ZNF385D: variants seen among roughly 807,000 people sequenced by gnomAD.
The protein encoded by ZNF385D is zinc finger protein 659.
ZNF385D carries 15 observed loss-of-function variants against 35.8 expected under a neutral mutation model. The observed-to-expected ratio is 0.42, with a 90% confidence interval of 0.28 to 0.64. ZNF385D has a LOEUF of 0.64. Ranked by LOEUF, ZNF385D falls within the 30% of genes least tolerant of loss-of-function variation. The pLI is 0.23. For missense variants in ZNF385D, 474 were observed against 494.6 expected (o/e 0.96, Z 0.39); for synonymous variants, 212 against 186.8 (o/e 1.13, Z -1.10).
intron 1 of ZNF385D, among the ~76,000 whole-genome samples, chr3:21,750,015 T>C (rs17620696): frequency 0.015 from 2,340 of 152,348 alleles, 24 homozygotes; most frequent in Non-Finnish European, 0.025. Flanking sequence ...ATCGCATAGA[T>C]GCCCTTAAAT....
At chr3:22,016,526 C>G (rs1308976285) in intron 3 of ZNF385D, among the ~76,000 whole-genome samples, 1 of 152,030 alleles carries the variant, frequency 6.6e-6, no homozygotes. Context: ...TCTTTTGTCA[C>G]TGAATACAAA....
chr3:21,540,422 G>A (rs1290833390), intron 3 of ZNF385D, among the ~76,000 whole-genome samples: 1 of 152,144 alleles, frequency 6.6e-6, no homozygotes, highest in Non-Finnish European at 1.5e-5. Flanking sequence ...GTAATATTAT[G>A]TGCACTGATG....
At chr3:21,751,307 T>G, upstream of ZNF385D, 2 of 1,061,432 alleles carry the variant, frequency 1.9e-6, no homozygotes, top group Non-Finnish European at 2.3e-6. Flanking sequence ...GGACCAACCA[T>G]GGCTCTCGGG....
chr3:21,826,884 T>C (rs1459698016), intron 3 of ZNF385D, among the ~76,000 whole-genome samples: 1 of 151,286 alleles, frequency 6.6e-6, no homozygotes, highest in Non-Finnish European at 1.5e-5. Flanking sequence ...GGTCCTCTCT[T>C]GGAGGTACCT....
rs549756516 is a variant in ZNF385D at position 22,351,279 on chromosome 3, A to C, written c.106+21171T>G. ...ATTCTAATGTCACTGAGATTCTATC[A>C]AAGCCCCTCCCTAGAAAGCATAGCA... On this transcript the variant is annotated intron_variant, in intron 2 of 5. Transcript: ENST00000494108. Among the ~76,000 whole-genome samples the C allele has an allele frequency of 5.3e-5, 8 of 152,228 alleles. No individual in the cohort carries two copies. In the South Asian group the frequency reaches 8.3e-4, roughly 16 times the overall value.
Position 21,616,336 on chromosome 3 carries a change from T to G in ZNF385D, c.165+48550A>C, listed in dbSNP as rs867037563. ...AGAAACAGGGCAAGGAATGGCTTAA[T>G]TTTTGTTTACTGCTGGGAATATACA... On this transcript the variant is annotated intron_variant, in intron 2 of 7. Coordinates refer to ENST00000281523, the MANE Select transcript of ZNF385D (RefSeq NM_024697.3). Among the ~76,000 whole-genome samples the G allele has an allele frequency of 2.6e-5, 4 of 152,296 alleles. No individual in the cohort carries two copies. In the South Asian group the frequency reaches 8.3e-4, roughly 32 times the overall value.
At chr3:22,268,624 G>T (rs1372895136) in intron 2 of ZNF385D, among the ~76,000 whole-genome samples, 1 of 152,028 alleles carries the variant, frequency 6.6e-6, no homozygotes, top group Admixed American at 6.6e-5. Context: ...ATTTGGCATG[G>T]GCCATAGTCC....
At chr3:21,689,349 A>C (rs528079018) in intron 1 of ZNF385D, among the ~76,000 whole-genome samples, 48 of 152,206 alleles carry the variant, frequency 3.2e-4, no homozygotes, top group Middle Eastern at 3.4e-3. Context: ...GGGGCAGCAT[A>C]AGCTCGATTC....
intron 4 of ZNF385D, chr3:21,441,719 G>A (rs1701869301): frequency 1.0e-6 from 1 of 985,364 alleles, no homozygotes; most frequent in Non-Finnish European, 1.2e-6. Context: ...AAACCACAGG[G>A]CTTCATTGCA....
chr3:22,237,707 G>A (rs942557677), intron 2 of ZNF385D, among the ~76,000 whole-genome samples: 1 of 152,054 alleles, frequency 6.6e-6, no homozygotes, highest in African/African-American at 2.4e-5. Context: ...GCAGTGGCAC[G>A]ATCTCAGCTC....
intron 2 of ZNF385D, among the ~76,000 whole-genome samples, chr3:21,590,932 A>T (rs540884503): frequency 1.7e-4 from 26 of 152,098 alleles, no homozygotes; most frequent in African/African-American, 4.8e-4. Flanking sequence ...GCAACTTCTC[A>T]CTCCTATACA....
intron 2 of ZNF385D, among the ~76,000 whole-genome samples, 169 bp from the exon 3 acceptor site, chr3:21,564,853 A>G (rs1432015843): frequency 6.6e-6 from 1 of 152,230 alleles, no homozygotes; most frequent in Non-Finnish European, 1.5e-5. Context: ...TGGAAAATAG[A>G]TAACATTAAG....
At chr3:21,924,260 GAGA>G (rs1254044444) in intron 3 of ZNF385D, among the ~76,000 whole-genome samples, 1 of 152,260 alleles carries the variant, frequency 6.6e-6, no homozygotes, top group South Asian at 2.1e-4. Context: ...TAAAGGTGAA[GAGA>G]AGAAGGCAAA....
chr3:21,797,587 G>A (rs1014668332), intron 3 of ZNF385D, among the ~76,000 whole-genome samples: 2 of 152,170 alleles, frequency 1.3e-5, no homozygotes, highest in African/African-American at 4.8e-5. Context: ...AAACTTTGAA[G>A]CAACCAAGCT....
intron 3 of ZNF385D, among the ~76,000 whole-genome samples, chr3:22,025,041 T>C (rs781074333): frequency 9.9e-5 from 15 of 152,116 alleles, no homozygotes; most frequent in East Asian, 1.9e-4. Flanking sequence ...AGTGAGGGCA[T>C]TGATTAAAAA....
chr3:21,654,074 C>A (rs145230022), intron 2 of ZNF385D, among the ~76,000 whole-genome samples: 3 of 151,820 alleles, frequency 2.0e-5, no homozygotes, highest in East Asian at 1.9e-4. Context: ...TACAACTGGA[C>A]TGTCATTTCT....
intron 2 of ZNF385D, among the ~76,000 whole-genome samples, chr3:21,579,027 T>C (rs2063575466): frequency 6.6e-6 from 1 of 152,196 alleles, no homozygotes; most frequent in Non-Finnish European, 1.5e-5. Context: ...TTAATTCCTT[T>C]CTATTTTGAT....
chr3:21,575,252 C>G (rs2063462753), intron 2 of ZNF385D, among the ~76,000 whole-genome samples: 1 of 152,096 alleles, frequency 6.6e-6, no homozygotes, highest in African/African-American at 2.4e-5. Flanking sequence ...CACCCAAGAC[C>G]AAGACCCAGG....
chr3:21,696,033 T>A (rs560381117), intron 1 of ZNF385D, among the ~76,000 whole-genome samples: 1 of 152,254 alleles, frequency 6.6e-6, no homozygotes, highest in African/African-American at 2.4e-5. Context: ...ATAAGAGAAG[T>A]GAGGTCCAGA....
Sources: gnomAD v4.1 joint callset for allele counts (sites outside exome capture counted in the v4.1 genomes callset) on GRCh38, gnomAD v4.1.1 for gene constraint, MANE v1.5 for transcripts, NCBI Gene and HGNC (gene_info 2026-07-23, HGNC 2026-07-21) for gene names.